Variants in CNTNAP5 observed in about 807,000 individuals in gnomAD.
CNTNAP5 encodes contactin-associated protein-like 5.
In CNTNAP5, 72 loss-of-function variants were observed where a neutral mutation model predicts 150.2. The ratio of observed to expected loss-of-function variants is 0.48; its 90% CI spans 0.40 to 0.58. The LOEUF (loss-of-function observed/expected upper bound fraction) is 0.58, where lower values mean the gene tolerates loss of function less well. Among genes scored for constraint, CNTNAP5 ranks in the 20% least tolerant of loss-of-function variants. CNTNAP5 has a pLI of 0.00. For synonymous variants in CNTNAP5, 672 were observed against 619.8 expected (o/e 1.08, Z -1.25); for missense variants, 1,636 against 1,626.2 (o/e 1.01, Z -0.10).
At chr2:124,366,532 T>C (rs1459941204) in intron 3 of CNTNAP5, among the ~76,000 whole-genome samples, 2 of 152,156 alleles carry the variant, frequency 1.3e-5, no homozygotes, top group Non-Finnish European at 1.5e-5. Context: ...AACTACCAAG[T>C]CTGTGTCCTC....
At chr2:124,840,074 G>GT (rs1553447723) in intron 19 of CNTNAP5, among the ~76,000 whole-genome samples, 120 of 152,190 alleles carry the variant, frequency 7.9e-4, no homozygotes, top group African/African-American at 2.6e-3. Flanking sequence ...AGGAAGTGAG[G>GT]AGGGGGAATA....
intron 1 of CNTNAP5, among the ~76,000 whole-genome samples, chr2:124,059,685 G>A (rs1387336520): frequency 6.6e-6 from 1 of 152,034 alleles, no homozygotes; most frequent in Non-Finnish European, 1.5e-5. Context: ...GAAGGAGTTG[G>A]GGACACTCCT....
chr2:124,546,135 T>C (rs1488019703), intron 10 of CNTNAP5, among the ~76,000 whole-genome samples: 1 of 152,116 alleles, frequency 6.6e-6, no homozygotes, highest in East Asian at 1.9e-4. Flanking sequence ...AGACTGACCC[T>C]GTGGATCAGT....
intron 19 of CNTNAP5, among the ~76,000 whole-genome samples, chr2:124,802,972 A>G (rs576606772): frequency 6.6e-6 from 1 of 152,132 alleles, no homozygotes; most frequent in South Asian, 2.1e-4. Context: ...AAAATTAGCC[A>G]GGCATGGTGG....
At chr2:124,590,475 G>T (rs1450858711) in intron 11 of CNTNAP5, among the ~76,000 whole-genome samples, 1 of 152,144 alleles carries the variant, frequency 6.6e-6, no homozygotes, top group Non-Finnish European at 1.5e-5. Flanking sequence ...ACTCCCATTA[G>T]TTTTAACATA....
chr2:124,419,543 A>G (rs1310200737), intron 4 of CNTNAP5, among the ~76,000 whole-genome samples: 10 of 152,232 alleles, frequency 6.6e-5, no homozygotes, highest in Admixed American at 6.5e-4. Flanking sequence ...TTCTAAGCCA[A>G]GGAAAGAACT....
At chr2:124,775,289 T>C (rs2104614301) in intron 17 of CNTNAP5, among the ~76,000 whole-genome samples, 1 of 152,298 alleles carries the variant, frequency 6.6e-6, no homozygotes, top group Non-Finnish European at 1.5e-5. Context: ...ATTTTGGTGC[T>C]TAGTTATAGT....
intron 12 of CNTNAP5, among the ~76,000 whole-genome samples, 165 bp from the exon 13 acceptor site, chr2:124,647,591 ACT>A (rs1232961873): frequency 6.6e-6 from 1 of 152,026 alleles, no homozygotes; most frequent in East Asian, 1.9e-4. Flanking sequence ...CCCCATCCTA[ACT>A]CTGGTGGAGC....
At chr2:124,168,604 C>G (rs1684859906) in intron 1 of CNTNAP5, among the ~76,000 whole-genome samples, 1 of 152,132 alleles carries the variant, frequency 6.6e-6, no homozygotes, top group Non-Finnish European at 1.5e-5. Context: ...GCAAGAATCT[C>G]ATTTGGGGAT....
At chr2:124,170,025 A>T (rs917697619) in intron 1 of CNTNAP5, among the ~76,000 whole-genome samples, 4 of 152,122 alleles carry the variant, frequency 2.6e-5, no homozygotes, top group Non-Finnish European at 4.4e-5. Flanking sequence ...CTAAAACCAA[A>T]CAGACTCAAC....
intron 13 of CNTNAP5, among the ~76,000 whole-genome samples, chr2:124,695,921 G>A (rs1679396842): frequency 6.6e-6 from 1 of 152,156 alleles, no homozygotes. Context: ...CTAGGTAGTA[G>A]CATTGCTTCT....
intron 11 of CNTNAP5, among the ~76,000 whole-genome samples, chr2:124,597,660 C>G (rs1196393628): frequency 6.7e-6 from 1 of 149,928 alleles, no homozygotes; most frequent in Non-Finnish European, 1.5e-5. Flanking sequence ...TTGTGGCGTT[C>G]TCTGTATTTC....
At chr2:124,825,674 T>A (rs1238750453) in intron 19 of CNTNAP5, among the ~76,000 whole-genome samples, 1 of 152,210 alleles carries the variant, frequency 6.6e-6, no homozygotes, top group Non-Finnish European at 1.5e-5. Flanking sequence ...CTTTAGGGCC[T>A]GGAAGGGGCT....
intron 1 of CNTNAP5, among the ~76,000 whole-genome samples, chr2:124,075,006 C>A (rs1387793530): frequency 6.6e-6 from 1 of 151,870 alleles, no homozygotes; most frequent in African/African-American, 2.4e-5. Context: ...ACACAATAAT[C>A]AACATGAAAA....
intron 3 of CNTNAP5, among the ~76,000 whole-genome samples, chr2:124,310,661 A>C (rs539542365): frequency 1.5e-4 from 23 of 151,760 alleles, no homozygotes; most frequent in African/African-American, 5.1e-4. Flanking sequence ...CAATGTTCCT[A>C]TTAGAAGGTT....
At chr2:124,678,314 A>G (rs1678990515) in intron 13 of CNTNAP5, among the ~76,000 whole-genome samples, 1 of 151,802 alleles carries the variant, frequency 6.6e-6, no homozygotes, top group Non-Finnish European at 1.5e-5. Flanking sequence ...AGCTGGCTAC[A>G]TTCTGACAAT....
At chr2:124,709,663 C>A (rs1032618478) in intron 13 of CNTNAP5, among the ~76,000 whole-genome samples, 7 of 152,052 alleles carry the variant, frequency 4.6e-5, no homozygotes, top group African/African-American at 1.7e-4. Flanking sequence ...TTATTTTTAT[C>A]CCCACTGGAC....
At position 124,914,419 on chromosome 2, in the gene CNTNAP5, A is replaced by G. The variant is rs1474490816; in HGVS notation, c.*131A>G. The G allele has an allele frequency of 5.8e-6, 4 of 692,232 alleles. No homozygotes were observed. In the Admixed American group the frequency reaches 1.1e-4, roughly 19 times the overall value. The allele number at this position is 692,232 out of a possible 1,614,324, so 42.9% of individuals were successfully genotyped here. The stretch of plus-strand genomic sequence containing the variant: ...CATGTCTTTTCTGGAACATACTTGC[A>G]TCCACCACAGCATCAATTCCCTTGA... On this transcript the variant is annotated 3_prime_UTR_variant, in exon 24 of 24. Transcript: ENST00000682447.
intron 3 of CNTNAP5, among the ~76,000 whole-genome samples, chr2:124,356,464 C>T (rs202155277): frequency 0.17 from 20,685 of 120,332 alleles, 1,846 homozygotes; most frequent in Non-Finnish European, 0.18. Flanking sequence ...CCCCTCCCCC[C>T]ACCCCACCAC....
Sources: allele counts gnomAD v4.1 joint callset (sites outside exome capture counted in the v4.1 genomes callset), GRCh38; gene constraint gnomAD v4.1.1; transcripts MANE v1.5; gene names NCBI Gene and HGNC (gene_info 2026-07-23, HGNC 2026-07-21).